Variants in ZMPSTE24 observed in about 807,000 individuals in gnomAD.
The protein encoded by ZMPSTE24 is CAAX prenyl protease 1 homolog.
Under a neutral mutation model 56.7 loss-of-function variants are expected in ZMPSTE24, and 48 were observed. The observed-to-expected ratio is 0.85, with a 90% CI of 0.67 to 1.08. The LOEUF (loss-of-function observed/expected upper bound fraction) is 1.08. ZMPSTE24 is among the 50% of genes least tolerant of loss of function. The probability of loss-of-function intolerance (pLI) is 0.00; values close to 1 mark genes in which losing one functional copy is unlikely to be tolerated. For synonymous variants in ZMPSTE24, 172 were observed against 195.2 expected (o/e 0.88, Z 0.99); for missense variants, 503 against 548.7 (o/e 0.92, Z 0.83).
chr1:40,290,753 C>T (rs903417499), intron 8 of ZMPSTE24, 101 bp from the exon 9 acceptor site: 73 of 1,460,602 alleles, frequency 5.0e-5, no homozygotes, highest in East Asian at 3.5e-4. Context: ...TGAGCCACCG[C>T]GCCCGGCCAC....
At chr1:40,286,489 C>T (rs886068451) in intron 8 of ZMPSTE24, among the ~76,000 whole-genome samples, 3 of 152,052 alleles carry the variant, frequency 2.0e-5, no homozygotes, top group Non-Finnish European at 4.4e-5. Context: ...GATGTGATCT[C>T]GGCTCACTGC....
At chr1:40,274,436 A>G (rs1442310423) in intron 6 of ZMPSTE24, among the ~76,000 whole-genome samples, 2 of 152,208 alleles carry the variant, frequency 1.3e-5, no homozygotes, top group Non-Finnish European at 2.9e-5. Context: ...AAATTAAACT[A>G]GTTTGGTCTG....
Position 40,258,323 on chromosome 1 carries a change from C to T in ZMPSTE24, c.52C>T (p.Arg18Cys), listed in dbSNP as rs1472639374. The part of the protein sequence containing the change: ...DALWEMPAEK[R>C]IFGAVLLFSW... ...TTTGTGGGAGATGCCGGCCGAGAAG[C>T]GTATCTTCGGGGCCGTGCTGCTCTT... Residue 18 changes from arginine to cysteine, a missense_variant, in exon 1 of 10, where the codon CGT becomes TGT. Arg to Cys is a radical substitution (Grantham distance 180). Coordinates refer to ENST00000372759, the MANE Select transcript of ZMPSTE24 (RefSeq NM_005857.5). 1.2e-6 allele frequency: 2 copies of T among 1,614,048 alleles called. No homozygotes were observed. The highest frequency in any genetic ancestry group is 1.7e-6 in the Non-Finnish European group (2 of 1,180,050).
intron 6 of ZMPSTE24, among the ~76,000 whole-genome samples, chr1:40,273,530 AAAAAAAAATATATATAT>A (rs1417711607): frequency 6.9e-4 from 56 of 81,680 alleles, no homozygotes; most frequent in African/African-American, 3.3e-3. Context: ...AAAAAAAAAA[AAAAAAAAATATATATAT>A]ATATATATAT....
rs977675984 is a variant in ZMPSTE24 at position 40,292,740 on chromosome 1, G to A, written c.*71G>A. The A allele has an allele frequency of 6.8e-7, 1 of 1,468,912 alleles. No individual in the cohort carries two copies. The highest frequency in any genetic ancestry group is 1.4e-5 in the African/African-American group (1 of 71,248). The allele number at this position is 1,468,912 out of a possible 1,614,324, so 91.0% of individuals were successfully genotyped here. On this transcript the variant is annotated 3_prime_UTR_variant, in exon 10 of 10. Coordinates refer to ENST00000372759, the MANE Select transcript of ZMPSTE24 (RefSeq NM_005857.5). ...CTGGCAGCATGTTCCAGCTCTTGAT[G>A]TTTTTAAACTTTTTTTTAGAAGAAA... is the stretch of plus-strand genomic sequence containing the variant.
chr1:40,263,749 T>TG (rs1643521176), intron 2 of ZMPSTE24, among the ~76,000 whole-genome samples: 2 of 150,922 alleles, frequency 1.3e-5, no homozygotes, highest in African/African-American at 4.9e-5. Context: ...TTTTTTTTTT[T>TG]GCCGTAGTAC....
rs1253730425 is a variant in ZMPSTE24, at chr1:40,258,493, C to G, written c.123+99C>G. 8 of 1,590,156 alleles carry G rather than the reference C, an allele frequency of 5.0e-6. No homozygotes were observed. In the Admixed American group the frequency reaches 1.3e-4, roughly 27 times the overall value. ...ACTCTTGATTGCTTCGGTCCCCGCG[C>G]CAGTCTCGTCTTTGTGGTCCCTGCT... is the stretch of plus-strand genomic sequence containing the variant. On this transcript the variant is annotated intron_variant, in intron 1 of 9. Transcript: ENST00000372759.
chr1:40,274,815 T>C (rs1643652362), intron 6 of ZMPSTE24, among the ~76,000 whole-genome samples: 1 of 152,142 alleles, frequency 6.6e-6, no homozygotes. Flanking sequence ...AGGATAATAG[T>C]AATTAATGGA....
intron 6 of ZMPSTE24, among the ~76,000 whole-genome samples, chr1:40,278,317 TTCAC>T (rs1643690864): frequency 6.6e-6 from 1 of 152,096 alleles, no homozygotes; most frequent in Admixed American, 6.5e-5. Flanking sequence ...ATATTATTGC[TTCAC>T]TTAGAATATC....
intron 2 of ZMPSTE24, among the ~76,000 whole-genome samples, chr1:40,265,963 CAG>C (rs775523047): frequency 2.0e-5 from 3 of 152,258 alleles, no homozygotes; most frequent in Non-Finnish European, 4.4e-5. Flanking sequence ...TGTGGGAAAA[CAG>C]AAACACTGGA....
chr1:40,282,142 G>A (rs1643736720), intron 7 of ZMPSTE24, among the ~76,000 whole-genome samples: 1 of 152,172 alleles, frequency 6.6e-6, no homozygotes, highest in Admixed American at 6.5e-5. Context: ...GTCTAAAGGG[G>A]AAATAGTCAT....
intron 6 of ZMPSTE24, among the ~76,000 whole-genome samples, chr1:40,275,752 C>CAAAAAAAA (rs34281343): frequency 6.4e-5 from 4 of 62,678 alleles, no homozygotes; most frequent in Non-Finnish European, 9.8e-5. Flanking sequence ...GACCCTGTCT[C>CAAAAAAAA]AAAAAAAAAA....
intron 6 of ZMPSTE24, among the ~76,000 whole-genome samples, chr1:40,278,940 G>A (rs1643700162): frequency 6.6e-6 from 1 of 152,166 alleles, no homozygotes; most frequent in South Asian, 2.1e-4. Flanking sequence ...CTTGAGCCCA[G>A]GAGTTAGAGA....
intron 7 of ZMPSTE24, among the ~76,000 whole-genome samples, chr1:40,284,053 A>G (rs902930992): frequency 6.8e-6 from 1 of 146,764 alleles, no homozygotes; most frequent in Admixed American, 6.9e-5. Context: ...CTCCTGCCTC[A>G]GCCTCCTGAG....
At chr1:40,264,343 TAAAAA>T (rs926863076) in intron 2 of ZMPSTE24, among the ~76,000 whole-genome samples, 10 of 151,510 alleles carry the variant, frequency 6.6e-5, no homozygotes, top group African/African-American at 1.7e-4. Context: ...CAAAAATAAA[TAAAAA>T]TAAAATAAGA....
chr1:40,286,016 T>G lies in ZMPSTE24; in HGVS notation c.1046T>G (p.Ile349Ser), dbSNP rs1377508155. 6.2e-7 allele frequency: 1 copy of G among 1,613,434 alleles called. No homozygotes were observed. Among genetic ancestry groups the G allele is most frequent in the African/African-American group, 1.3e-5 (1 of 74,864 alleles). The change falls in exon 8 of 10, where the codon ATC becomes AGC. Residue 349 changes from isoleucine to serine, a missense_variant. By Grantham distance (142) the Ile-to-Ser change is moderately radical. Coordinates refer to ENST00000372759, the MANE Select transcript of ZMPSTE24 (RefSeq NM_005857.5). ...HWKLGHTVKN[I>S]IISQMNSFLC... ...AAGTTGGGACATACAGTCAAAAATA[T>G]CATTATTAGCCAGGTAAGTGTGGAG... is the stretch of plus-strand genomic sequence containing the variant.
chr1:40,287,073 C>CTTTTCT (rs1553180833), intron 8 of ZMPSTE24, among the ~76,000 whole-genome samples: 51 of 144,798 alleles, frequency 3.5e-4, no homozygotes, highest in East Asian at 6.1e-4. Context: ...TTTTTCTTTT[C>CTTTTCT]TTTTTTTTTT....
At chr1:40,264,469 T>C (rs1227164567) in intron 2 of ZMPSTE24, among the ~76,000 whole-genome samples, 1 of 152,234 alleles carries the variant, frequency 6.6e-6, no homozygotes, top group Non-Finnish European at 1.5e-5. Flanking sequence ...TGGGTTTCTT[T>C]GGACAAGTTA....
intron 6 of ZMPSTE24, among the ~76,000 whole-genome samples, chr1:40,274,782 AG>A (rs1453538035): frequency 1.3e-5 from 2 of 152,234 alleles, no homozygotes; most frequent in Non-Finnish European, 2.9e-5. Context: ...AAGTCTAGGT[AG>A]GACATAATGG....
Sources: allele counts gnomAD v4.1 joint callset (sites outside exome capture counted in the v4.1 genomes callset), GRCh38; gene constraint gnomAD v4.1.1; transcripts MANE v1.5; gene names NCBI Gene and HGNC (gene_info 2026-07-23, HGNC 2026-07-21).